Variants in FLYWCH2 observed in about 807,000 individuals in gnomAD.
FLYWCH2 encodes FLYWCH family member 2.
FLYWCH2 carries 2 observed loss-of-function variants against 6.0 expected under a neutral mutation model. The observed-to-expected ratio is 0.33, with a 90% CI of 0.14 to 1.04. The LOEUF is 1.04. Ranked by LOEUF, FLYWCH2 falls within the 50% of genes least tolerant of loss-of-function variation. The pLI, the probability that FLYWCH2 is intolerant of heterozygous loss-of-function variation, is 0.45. For missense variants in FLYWCH2, 192 were observed against 183.4 expected (o/e 1.05, Z -0.27); for synonymous variants, 87 against 79.3 (o/e 1.10, Z -0.52).
Position 2,895,350 on chromosome 16 carries a change from G to C in FLYWCH2, c.-99+30G>C, listed in dbSNP as rs1345990101. 2.0e-5 allele frequency: 3 copies of C among 152,582 alleles called. No homozygotes were observed. In the East Asian group the frequency reaches 5.8e-4, roughly 29 times the overall value. 9.5% of individuals were successfully genotyped at this position (152,582 alleles called of 1,614,324 possible). On this transcript the variant is annotated intron_variant, in intron 2 of 3. Coordinates refer to ENST00000396958, the MANE Select transcript of FLYWCH2 (RefSeq NM_138439.3). ...GTGTGAGAACCAGTGGGTGTGGCCAGGCGCGGTGGCTCACGCTTGTAATCC... is the reference window on the plus strand; with the variant it reads ...GTGTGAGAACCAGTGGGTGTGGCCACGCGCGGTGGCTCACGCTTGTAATCC...
At chr16:2,896,330 G>C (rs2069818881) in intron 2 of FLYWCH2, 22 bp from the exon 3 acceptor site, 1 of 1,308,188 alleles carries the variant, frequency 7.6e-7, no homozygotes, top group South Asian at 1.6e-5. Context: ...CACCACTGAC[G>C]GGATTTTGCT....
chr16:2,888,048 G>C (rs1368784947), intron 1 of FLYWCH2, among the ~76,000 whole-genome samples: 3 of 151,892 alleles, frequency 2.0e-5, no homozygotes, highest in Non-Finnish European at 4.4e-5. Flanking sequence ...TCGCTCTGTT[G>C]CCCAGGCTGG....
At chr16:2,884,376 G>A (rs981607099) in intron 1 of FLYWCH2, among the ~76,000 whole-genome samples, 2 of 151,946 alleles carry the variant, frequency 1.3e-5, no homozygotes, top group African/African-American at 4.8e-5. Flanking sequence ...TCGTCAGTGA[G>A]GGATTGAACC....
intron 3 of FLYWCH2, 165 bp from the exon 4 acceptor site, chr16:2,898,884 G>T: frequency 2.0e-6 from 1 of 511,002 alleles, no homozygotes; most frequent in South Asian, 3.0e-5. Context: ...GGTGGCCTTG[G>T]GAGCAGCGTC....
chr16:2,885,348 T>C lies in FLYWCH2; in HGVS notation c.-200+1982T>C, dbSNP rs568876067. On this transcript the variant is annotated intron_variant, in intron 1 of 3. Coordinates refer to ENST00000396958, the MANE Select transcript of FLYWCH2 (RefSeq NM_138439.3). ...ACAAAACAAAACAAAAAAAAAAATA[T>C]ACAGTTCAGTGGCTTTAGTGTGATC... Among the ~76,000 whole-genome samples the C allele has an allele frequency of 5.0e-3, 748 of 150,492 alleles. 3 individuals carry two copies. The highest frequency in any genetic ancestry group is 7.4e-3 in the Non-Finnish European group (502 of 67,540).
intron 1 of FLYWCH2, among the ~76,000 whole-genome samples, chr16:2,891,724 ATTTG>A (rs1317937193): frequency 2.0e-5 from 3 of 148,484 alleles, no homozygotes; most frequent in African/African-American, 7.5e-5. Flanking sequence ...ATTTTATTTA[ATTTG>A]TTTATTTTTT....
At chr16:2,886,749 G>A (rs560965413) in intron 1 of FLYWCH2, among the ~76,000 whole-genome samples, 46 of 151,944 alleles carry the variant, frequency 3.0e-4, no homozygotes, top group South Asian at 2.1e-3. Flanking sequence ...TCGAACTCCC[G>A]ACCTCAGATG....
chr16:2,892,508 C>T (rs941351502), intron 1 of FLYWCH2, among the ~76,000 whole-genome samples: 1 of 144,794 alleles, frequency 6.9e-6, no homozygotes, highest in Non-Finnish European at 1.5e-5. Context: ...AAAAAAAACA[C>T]AATTTATCTA....
chr16:2,884,853 G>A lies in FLYWCH2; in HGVS notation c.-200+1487G>A, dbSNP rs1347737269. On this transcript the variant is annotated intron_variant, in intron 1 of 3. Transcript: ENST00000396958. ...CGCGCCACTGCACTCCAGCCTGGCCGACAAGAGCGATACTCCGTCTAAAAA... is the reference window on the plus strand; with the variant it reads ...CGCGCCACTGCACTCCAGCCTGGCCAACAAGAGCGATACTCCGTCTAAAAA... 3.3e-5 allele frequency among the ~76,000 whole-genome samples: 5 copies of A among 150,478 alleles called. No homozygotes were observed. The South Asian group carries it at 8.5e-4, about 26-fold the overall frequency.
chr16:2,887,334 T>A (rs2069710243), intron 1 of FLYWCH2, among the ~76,000 whole-genome samples: 2 of 121,878 alleles, frequency 1.6e-5, no homozygotes, highest in African/African-American at 5.9e-5. Flanking sequence ...TTTTTTTTTG[T>A]ATTTTTAGTA....
intron 1 of FLYWCH2, among the ~76,000 whole-genome samples, chr16:2,887,867 C>T (rs1233543773): frequency 2.0e-5 from 3 of 151,868 alleles, no homozygotes; most frequent in Non-Finnish European, 4.4e-5. Context: ...ACGCCTGGCC[C>T]AACATTTGTC....
chr16:2,898,782 C>T (rs1429250636), intron 3 of FLYWCH2: 1 of 354,116 alleles, frequency 2.8e-6, no homozygotes, highest in Non-Finnish European at 5.1e-6. Flanking sequence ...CCAGGTCCAG[C>T]AGAGGCGATG....
chr16:2,890,789 C>T (rs1212264592), intron 1 of FLYWCH2, among the ~76,000 whole-genome samples: 2 of 152,020 alleles, frequency 1.3e-5, no homozygotes, highest in African/African-American at 2.4e-5. Context: ...CTGATCTTGA[C>T]CTCTTGACCT....
intron 1 of FLYWCH2, among the ~76,000 whole-genome samples, chr16:2,891,258 G>A (rs1262805609): frequency 1.3e-5 from 2 of 152,144 alleles, no homozygotes; most frequent in Non-Finnish European, 2.9e-5. Flanking sequence ...AGTAATAGAG[G>A]TCATGGTTGA....
chr16:2,898,728 C>T lies in FLYWCH2; in HGVS notation c.323-321C>T, dbSNP rs555592995. On this transcript the variant is annotated intron_variant, in intron 3 of 3. Coordinates refer to ENST00000396958, the MANE Select transcript of FLYWCH2 (RefSeq NM_138439.3). ...CCCGCAGGCAATCACCCTCAGGCAT[C>T]GACCACCCCCATCTGCCAACTCCTC... 3.3e-4 allele frequency: 86 copies of T among 262,690 alleles called. No homozygotes were observed. The South Asian group carries it at 6.7e-3, about 20-fold the overall frequency. 16.3% of individuals were successfully genotyped at this position (262,690 alleles called of 1,614,324 possible). A position where few individuals can be genotyped will look rare whatever the true frequency, so the allele number is the denominator to read the frequency against.
At chr16:2,889,551 T>A (rs1251227945) in intron 1 of FLYWCH2, among the ~76,000 whole-genome samples, 1 of 149,496 alleles carries the variant, frequency 6.7e-6, no homozygotes. Flanking sequence ...AAGACTATAT[T>A]AAAAAAAAAA....
At chr16:2,892,505 A>AC (rs1555477201) in intron 1 of FLYWCH2, among the ~76,000 whole-genome samples, 6 of 148,334 alleles carry the variant, frequency 4.0e-5, no homozygotes, top group African/African-American at 1.5e-4. Context: ...CAAAAAAAAA[A>AC]CACAATTTAT....
chr16:2,897,836 G>A (rs955422428), intron 3 of FLYWCH2, among the ~76,000 whole-genome samples: 87 of 152,362 alleles, frequency 5.7e-4, no homozygotes, highest in African/African-American at 1.8e-3. Context: ...CCAGGGAGAT[G>A]GGGCAGGGGG....
intron 1 of FLYWCH2, among the ~76,000 whole-genome samples, chr16:2,892,494 TC>T (rs1161374852): frequency 3.0e-5 from 3 of 98,948 alleles, no homozygotes; most frequent in Non-Finnish European, 4.4e-5. Flanking sequence ...AGACTCCATC[TC>T]AAAAAAAAAA....
Sources: allele counts gnomAD v4.1 joint callset (sites outside exome capture counted in the v4.1 genomes callset), GRCh38; gene constraint gnomAD v4.1.1; transcripts MANE v1.5; gene names NCBI Gene and HGNC (gene_info 2026-07-23, HGNC 2026-07-21).